Variants in ANKS1A observed in about 807,000 individuals in gnomAD.
ANKS1A encodes ankyrin repeat and SAM domain-containing protein 1A.
Under a neutral mutation model 120.3 loss-of-function variants are expected in ANKS1A, and 55 were observed. The ratio of observed to expected loss-of-function variants is 0.46; its 90% CI spans 0.37 to 0.57. The LOEUF is 0.57. Ranked by LOEUF, ANKS1A falls within the 20% of genes least tolerant of loss-of-function variation. ANKS1A has a pLI of 0.00. For missense variants in ANKS1A, 1,123 were observed against 1,480.3 expected (o/e 0.76, Z 3.96); for synonymous variants, 590 against 604.7 (o/e 0.98, Z 0.36).
At chr6:35,083,591 C>A in intron 20 of ANKS1A, 88 bp downstream of exon 20, 2 of 1,259,918 alleles carry the variant, frequency 1.6e-6, no homozygotes, top group Non-Finnish European at 2.3e-6. Flanking sequence ...CCCGGCTGCC[C>A]TGTCTCATCT....
intron 1 of ANKS1A, among the ~76,000 whole-genome samples, chr6:34,934,671 G>A (rs912634607): frequency 6.6e-6 from 1 of 152,256 alleles, no homozygotes; most frequent in African/African-American, 2.4e-5. Flanking sequence ...TTGCTTCATA[G>A]TAAGTGTTGG....
At chr6:35,004,856 A>G (rs1773372328) in intron 10 of ANKS1A, among the ~76,000 whole-genome samples, 1 of 152,236 alleles carries the variant, frequency 6.6e-6, no homozygotes, top group Non-Finnish European at 1.5e-5. Flanking sequence ...TATGATTCAG[A>G]CCATTTGTTA....
At chr6:35,005,093 G>T (rs1454977891) in intron 10 of ANKS1A, among the ~76,000 whole-genome samples, 1 of 152,164 alleles carries the variant, frequency 6.6e-6, no homozygotes, top group African/African-American at 2.4e-5. Context: ...TTCTGTACAT[G>T]TGTTCTTAAA....
In ANKS1A at chr6:35,084,218, C is replaced by G. The variant is rs201027989; in HGVS notation, c.3092C>G (p.Thr1031Ser). 15 of 1,614,216 alleles carry G rather than the reference C, an allele frequency of 9.3e-6. No homozygotes were observed. The Admixed American group carries it at 1.5e-4, about 16-fold the overall frequency. Residue 1031 changes from threonine (T) to serine (S), a missense_variant, in exon 21 of 24, where the codon ACC (threonine) becomes AGC (serine). Physicochemically the swap from Thr to Ser is moderately conservative, Grantham distance 58 (BLOSUM62 1). Transcript: ENST00000360359. This position sits in a 1 kb window ranked among gnomAD's most constrained non-coding sequence, Gnocchi z 4.8. ...GCCTACATCACCAAGGACCTGCAGA[C>G]CAGCCACCACTATTGCCATGTGTTC... ...TFAYITKDLQTSHHYCHVFST... is the reference protein window; with the variant it reads ...TFAYITKDLQSSHHYCHVFST...
At chr6:35,056,230 G>A (rs575800109) in intron 12 of ANKS1A, among the ~76,000 whole-genome samples, 3 of 152,310 alleles carry the variant, frequency 2.0e-5, no homozygotes, top group East Asian at 1.9e-4. Context: ...AGCTCTTCCC[G>A]TGACATCTGG....
At chr6:35,016,210 T>G (rs1448477553) in intron 10 of ANKS1A, among the ~76,000 whole-genome samples, 1 of 152,220 alleles carries the variant, frequency 6.6e-6, no homozygotes, top group Non-Finnish European at 1.5e-5. Flanking sequence ...TTCAGGCTTC[T>G]AGGTTGAAGT....
At chr6:34,899,146 C>A (rs371876648) in intron 1 of ANKS1A, among the ~76,000 whole-genome samples, 2 of 152,176 alleles carry the variant, frequency 1.3e-5, no homozygotes, top group East Asian at 3.8e-4. Context: ...CCTTACATCT[C>A]CTGGGTCCTT....
chr6:35,093,674 C>T (rs1490024665), downstream of ANKS1A, among the ~76,000 whole-genome samples: 1 of 152,176 alleles, frequency 6.6e-6, no homozygotes, highest in Non-Finnish European at 1.5e-5. Context: ...CCCTGCTCTT[C>T]CCACTAAGTA....
intron 1 of ANKS1A, among the ~76,000 whole-genome samples, chr6:34,914,670 G>T (rs1182335526): frequency 1.3e-5 from 2 of 152,224 alleles, no homozygotes; most frequent in East Asian, 3.9e-4. Flanking sequence ...ACCATTTTAG[G>T]TTTATTTTAT....
intron 1 of ANKS1A, among the ~76,000 whole-genome samples, chr6:34,952,254 C>T (rs771326570): frequency 1.3e-5 from 2 of 152,116 alleles, no homozygotes; most frequent in South Asian, 2.1e-4. Context: ...AACATTTAAT[C>T]GATGTTAGCT....
chr6:34,996,966 C>T (rs1772887538), intron 10 of ANKS1A, among the ~76,000 whole-genome samples: 1 of 152,096 alleles, frequency 6.6e-6, no homozygotes, highest in South Asian at 2.1e-4. Context: ...ATTGTCTTTG[C>T]AACTTTGTTA....
At chr6:34,926,673 A>G in intron 1 of ANKS1A, among the ~76,000 whole-genome samples, 1 of 152,112 alleles carries the variant, frequency 6.6e-6, no homozygotes. Flanking sequence ...AAAAGGTGCA[A>G]TGGCTCATTG....
chr6:34,909,331 TCAGTGTTTTTTC>T, intron 1 of ANKS1A, among the ~76,000 whole-genome samples: 1 of 152,306 alleles, frequency 6.6e-6, no homozygotes, highest in East Asian at 1.9e-4. Flanking sequence ...GATGCCAAAG[TCAGTGTTTTTTC>T]CATTGCGCCA....
chr6:34,891,879 G>T (rs1049453606), intron 1 of ANKS1A, among the ~76,000 whole-genome samples: 2 of 152,268 alleles, frequency 1.3e-5, no homozygotes, highest in Admixed American at 6.5e-5. Flanking sequence ...CGCCGGCCTC[G>T]GCCTCCCAAA....
intron 11 of ANKS1A, among the ~76,000 whole-genome samples, chr6:35,027,135 A>G (rs1018901302): frequency 6.6e-6 from 1 of 152,208 alleles, no homozygotes; most frequent in African/African-American, 2.4e-5. Context: ...CAAAATTACT[A>G]AGACCAGAAG....
At chr6:34,934,825 C>G (rs1459496926) in intron 1 of ANKS1A, among the ~76,000 whole-genome samples, 2 of 152,186 alleles carry the variant, frequency 1.3e-5, no homozygotes, top group Non-Finnish European at 2.9e-5. Context: ...TTTTCACCTC[C>G]CACCCCACCC....
At chr6:35,064,285 A>C (rs1487107525) in intron 13 of ANKS1A, among the ~76,000 whole-genome samples, 3 of 152,220 alleles carry the variant, frequency 2.0e-5, no homozygotes, top group Non-Finnish European at 4.4e-5. Flanking sequence ...GACAAATGGA[A>C]GATGGAAATG....
In ANKS1A at chr6:35,084,802, G is replaced by A. The variant is rs894233953; in HGVS notation, c.3132+544G>A. 6.6e-6 allele frequency among the ~76,000 whole-genome samples: 1 copy of A among 152,180 alleles called. No individual in the cohort carries two copies. The highest frequency in any genetic ancestry group is 1.5e-5 in the Non-Finnish European group (1 of 68,026). On this transcript the variant is annotated intron_variant, in intron 21 of 23. Coordinates refer to ENST00000360359, the MANE Select transcript of ANKS1A (RefSeq NM_015245.3). The surrounding 1 kb of genome is among the most constrained non-coding windows in gnomAD (Gnocchi z 4.8). ...TTTCTTCCCTCAAATTCCTGCTGAG[G>A]CTCGGCTCTGGATGCCACTGGGCCG...
intron 1 of ANKS1A, among the ~76,000 whole-genome samples, chr6:34,922,989 C>A (rs1278427739): frequency 6.6e-6 from 1 of 152,138 alleles, no homozygotes; most frequent in African/African-American, 2.4e-5. Flanking sequence ...CTGTGCCCAG[C>A]CTCCAGGCCA....
Sources: gnomAD v4.1 joint callset for allele counts (sites outside exome capture counted in the v4.1 genomes callset) on GRCh38, gnomAD v4.1.1 for gene constraint, Gnocchi (gnomAD v3.1) non-coding constraint, MANE v1.5 for transcripts, NCBI Gene and HGNC (gene_info 2026-07-23, HGNC 2026-07-21) for gene names.